Variants in ILRUN observed in about 807,000 individuals in gnomAD.
ILRUN encodes protein ILRUN.
ILRUN carries 3 observed loss-of-function variants against 33.8 expected under a neutral mutation model. The ratio of observed to expected loss-of-function variants is 0.09; its 90% CI spans 0.04 to 0.23. ILRUN has a LOEUF of 0.23. Ranked by LOEUF, ILRUN falls within the 10% of genes least tolerant of loss-of-function variation. The pLI is 1.00. For synonymous variants in ILRUN, 124 were observed against 138.9 expected (o/e 0.89, Z 0.75); for missense variants, 210 against 375.1 (o/e 0.56, Z 3.64).
intron 1 of ILRUN, among the ~76,000 whole-genome samples, chr6:34,691,875 A>G (rs1406700282): frequency 6.6e-6 from 1 of 152,232 alleles, no homozygotes; most frequent in Non-Finnish European, 1.5e-5. Flanking sequence ...AAAGACTCAC[A>G]AGGCCAAAAC....
intron 3 of ILRUN, among the ~76,000 whole-genome samples, chr6:34,615,336 C>T (rs969070632): frequency 6.6e-6 from 1 of 152,150 alleles, no homozygotes; most frequent in African/African-American, 2.4e-5. Flanking sequence ...TGGCTCACAC[C>T]TGTAGTCCCA....
intron 4 of ILRUN, chr6:34,596,073 T>A: frequency 4.1e-6 from 1 of 243,340 alleles, no homozygotes; most frequent in Non-Finnish European, 6.6e-6. Context: ...AGAAACTGAC[T>A]AGGACCTGAT....
At chr6:34,680,569 A>G (rs956036309) in intron 1 of ILRUN, among the ~76,000 whole-genome samples, 32 of 151,778 alleles carry the variant, frequency 2.1e-4, no homozygotes, top group African/African-American at 7.7e-4. Context: ...GGCTCAAGTG[A>G]TTCTCCTGCC....
At chr6:34,607,904 G>T (rs983814434) in intron 3 of ILRUN, among the ~76,000 whole-genome samples, 22 of 152,164 alleles carry the variant, frequency 1.4e-4, no homozygotes, top group Non-Finnish European at 3.1e-4. Flanking sequence ...ACCGTCCTGG[G>T]TGACACAGGG....
Position 34,666,347 on chromosome 6 carries a change from G to A in ILRUN, c.159-11568C>T, listed in dbSNP as rs566672319. ...GGCCGAGGCAGGCGGATCACCTGAGGTCGGGAGTTCGAGACCAGCCTGACC... is the reference window on the plus strand; with the variant it reads ...GGCCGAGGCAGGCGGATCACCTGAGATCGGGAGTTCGAGACCAGCCTGACC... On this transcript the variant is annotated intron_variant, in intron 1 of 4. Transcript: ENST00000374023. 2.5e-3 allele frequency among the ~76,000 whole-genome samples: 384 copies of A among 152,252 alleles called. 1 individual carries two copies. Among genetic ancestry groups the A allele is most frequent in the Middle Eastern group, 0.014 (4 of 294 alleles).
At chr6:34,609,673 A>C (rs138129213) in intron 3 of ILRUN, among the ~76,000 whole-genome samples, 1 of 152,264 alleles carries the variant, frequency 6.6e-6, no homozygotes, top group Non-Finnish European at 1.5e-5. Flanking sequence ...GAGGTTTGGG[A>C]GCTGTATTAA....
intron 1 of ILRUN, among the ~76,000 whole-genome samples, chr6:34,680,446 C>T (rs944224278): frequency 1.1e-4 from 17 of 152,018 alleles, no homozygotes; most frequent in Non-Finnish European, 2.9e-5. Context: ...AATTTATCTG[C>T]AATGAACATA....
chr6:34,692,239 T>C (rs897931904), intron 1 of ILRUN, among the ~76,000 whole-genome samples: 11 of 152,210 alleles, frequency 7.2e-5, no homozygotes, highest in Admixed American at 4.6e-4. Context: ...GCTGGGATTA[T>C]AGGCGTGAGC....
At chr6:34,670,286 A>T (rs1763090106) in intron 1 of ILRUN, among the ~76,000 whole-genome samples, 2 of 152,154 alleles carry the variant, frequency 1.3e-5, no homozygotes, top group Non-Finnish European at 2.9e-5. Flanking sequence ...GATTAACTGT[A>T]AATAGGCAGA....
chr6:34,604,591 T>C (rs1761585926), intron 4 of ILRUN, among the ~76,000 whole-genome samples: 1 of 152,218 alleles, frequency 6.6e-6, no homozygotes, highest in Admixed American at 6.5e-5. Context: ...TAACAAAGCA[T>C]GCTTAGCCCA....
chr6:34,616,127 C>A (rs1332946044), intron 3 of ILRUN, among the ~76,000 whole-genome samples: 1 of 152,198 alleles, frequency 6.6e-6, no homozygotes, highest in African/African-American at 2.4e-5. Context: ...ATAGCTGAGA[C>A]TAAACTCTTG....
At chr6:34,650,263 T>A (rs1398104268) in intron 2 of ILRUN, among the ~76,000 whole-genome samples, 3 of 152,134 alleles carry the variant, frequency 2.0e-5, no homozygotes, top group African/African-American at 4.8e-5. Flanking sequence ...CTGCTCAGGT[T>A]TACTAAGCTT....
chr6:34,587,907 C>T lies in ILRUN; in HGVS notation c.*2658G>A. The T allele has an allele frequency of 2.5e-6, 1 of 396,918 alleles. No individual in the cohort carries two copies. The highest frequency in any genetic ancestry group is 4.4e-6 in the Non-Finnish European group (1 of 225,548). 24.6% of individuals were successfully genotyped at this position (396,918 alleles called of 1,614,324 possible). On this transcript the variant is annotated 3_prime_UTR_variant, in exon 5 of 5. Transcript: ENST00000374023. ...CCCTATCACCTAACCATGGTGTCTG[C>T]CTCACCTCCTGGGTGCCAGACGCAG... is the stretch of plus-strand genomic sequence containing the variant.
intron 1 of ILRUN, among the ~76,000 whole-genome samples, chr6:34,670,726 T>C (rs1763099601): frequency 6.6e-6 from 1 of 151,084 alleles, no homozygotes; most frequent in African/African-American, 2.4e-5. Context: ...TGTGGTGGCA[T>C]GTGCCTGTAG....
chr6:34,611,395 C>A (rs1261978662), intron 3 of ILRUN, among the ~76,000 whole-genome samples: 1 of 152,104 alleles, frequency 6.6e-6, no homozygotes, highest in Non-Finnish European at 1.5e-5. Flanking sequence ...TTTATAAACA[C>A]CAACAATAAA....
chr6:34,679,443 TTTAA>T (rs1763309969), intron 1 of ILRUN, among the ~76,000 whole-genome samples: 1 of 152,104 alleles, frequency 6.6e-6, no homozygotes, highest in Non-Finnish European at 1.5e-5. Context: ...CAAGCAAAGA[TTTAA>T]CTACAAGAAA....
chr6:34,622,154 A>G (rs1762025326), intron 3 of ILRUN, among the ~76,000 whole-genome samples: 1 of 152,196 alleles, frequency 6.6e-6, no homozygotes, highest in Non-Finnish European at 1.5e-5. Flanking sequence ...CCTAGAAAAA[A>G]GCTTAGGGAA....
At chr6:34,679,018 C>A (rs957531254) in intron 1 of ILRUN, among the ~76,000 whole-genome samples, 32 of 151,266 alleles carry the variant, frequency 2.1e-4, no homozygotes, top group African/African-American at 7.5e-4. Flanking sequence ...GGGTGAGGAT[C>A]GAAAAACTAC....
At chr6:34,683,420 A>ATAT (rs763692326) in intron 1 of ILRUN, among the ~76,000 whole-genome samples, 20,873 of 99,530 alleles carry the variant, frequency 0.21, 2,516 homozygotes, top group African/African-American at 0.44. Context: ...ATATATATAC[A>ATAT]TATATATACA....
Sources: allele counts gnomAD v4.1 joint callset (sites outside exome capture counted in the v4.1 genomes callset), GRCh38; gene constraint gnomAD v4.1.1; transcripts MANE v1.5; gene names NCBI Gene and HGNC (gene_info 2026-07-23, HGNC 2026-07-21).